The following EPB41L4A variants were observed in gnomAD, a reference collection of about 807,000 sequenced individuals.
The protein encoded by EPB41L4A is band 4.1-like protein 4A.
EPB41L4A carries 100 observed loss-of-function variants against 108.6 expected under a neutral mutation model. That is an observed-to-expected ratio of 0.92 (90% CI 0.78 to 1.09). The LOEUF (loss-of-function observed/expected upper bound fraction) is 1.09. EPB41L4A is among the 50% of genes least tolerant of loss of function. The pLI, the probability that EPB41L4A is intolerant of heterozygous loss-of-function variation, is 0.00. For missense variants in EPB41L4A, 1,030 were observed against 842.7 expected (o/e 1.22, Z -2.75); for synonymous variants, 319 against 289.0 (o/e 1.10, Z -1.05).
intron 14 of EPB41L4A, chr5:112,204,743 A>G (rs1762388843): frequency 2.9e-6 from 1 of 346,494 alleles, no homozygotes; most frequent in South Asian, 4.6e-5. Flanking sequence ...GAACACACAC[A>G]AATAACAATA....
At position 112,239,698 on chromosome 5, in the gene EPB41L4A, G is replaced by C; in HGVS notation, c.927C>G (p.Leu309=). Residue 309 remains leucine (L), a synonymous_variant, in exon 11 of 23, where the codon CTC becomes CTG. Coordinates refer to ENST00000261486, the MANE Select transcript of EPB41L4A (RefSeq NM_022140.5). ...ENESNSLSRK[L]SKFGSIRYKH... is the part of the protein sequence containing the mutation. ...TATAACGTATGGATCCAAACTTGCT[G>C]AGTTTTCTTGACAGTGAATTGGATT... 5 of 1,609,542 alleles carry C rather than the reference G, an allele frequency of 3.1e-6. No homozygotes were observed. Among genetic ancestry groups the C allele is most frequent in the Non-Finnish European group, 3.4e-6 (4 of 1,178,072 alleles).
At chr5:112,211,946 A>G (rs964907589) in intron 12 of EPB41L4A, among the ~76,000 whole-genome samples, 1 of 152,176 alleles carries the variant, frequency 6.6e-6, no homozygotes, top group Non-Finnish European at 1.5e-5. Flanking sequence ...TGCTGGAGCC[A>G]CTACCAATAA....
chr5:112,412,550 A>G (rs1278124749), intron 1 of EPB41L4A, among the ~76,000 whole-genome samples: 1 of 152,224 alleles, frequency 6.6e-6, no homozygotes, highest in African/African-American at 2.4e-5. Context: ...TTGAGTCACA[A>G]AGTAAACTGA....
At chr5:112,219,778 T>C (rs1747915964) in intron 12 of EPB41L4A, among the ~76,000 whole-genome samples, 1 of 152,170 alleles carries the variant, frequency 6.6e-6, no homozygotes, top group Non-Finnish European at 1.5e-5. Flanking sequence ...TCACTGCAAC[T>C]TCCATCTTCT....
intron 1 of EPB41L4A, among the ~76,000 whole-genome samples, chr5:112,411,042 G>A (rs1481400435): frequency 6.6e-6 from 1 of 152,152 alleles, no homozygotes; most frequent in Non-Finnish European, 1.5e-5. Flanking sequence ...ACTTCCTCAT[G>A]TTCAAGTAGT....
At chr5:112,227,250 C>T (rs1748526206) in intron 12 of EPB41L4A, among the ~76,000 whole-genome samples, 1 of 152,188 alleles carries the variant, frequency 6.6e-6, no homozygotes, top group African/African-American at 2.4e-5. Context: ...TGAATGGCCT[C>T]TCCTTACCCC....
chr5:112,342,013 C>G (rs538818023), intron 1 of EPB41L4A, among the ~76,000 whole-genome samples: 1 of 152,134 alleles, frequency 6.6e-6, no homozygotes, highest in South Asian at 2.1e-4. Context: ...ACCATTTCCT[C>G]CTATAGAATG....
intron 3 of EPB41L4A, among the ~76,000 whole-genome samples, 157 bp downstream of exon 3, chr5:112,280,115 G>A (rs1688137606): frequency 6.6e-6 from 1 of 152,174 alleles, no homozygotes; most frequent in South Asian, 2.1e-4. Flanking sequence ...AGAGGGCCTA[G>A]CAATGCACAC....
chr5:112,255,708 C>T (rs1169459551), intron 9 of EPB41L4A, among the ~76,000 whole-genome samples: 1 of 152,104 alleles, frequency 6.6e-6, no homozygotes, highest in Non-Finnish European at 1.5e-5. Flanking sequence ...CAGGTAGTCT[C>T]GTGGCTTCAA....
At chr5:112,237,523 A>T (rs552596031) in intron 11 of EPB41L4A, among the ~76,000 whole-genome samples, 30 of 152,230 alleles carry the variant, frequency 2.0e-4, no homozygotes, top group Non-Finnish European at 3.7e-4. Flanking sequence ...ACACACACAA[A>T]CACACCCAGA....
chr5:112,350,173 A>G (rs1757953413), intron 1 of EPB41L4A, among the ~76,000 whole-genome samples: 1 of 152,262 alleles, frequency 6.6e-6, no homozygotes, highest in African/African-American at 2.4e-5. Context: ...ATTTGTTTAA[A>G]TACGCATATG....
intron 22 of EPB41L4A, among the ~76,000 whole-genome samples, chr5:112,165,523 T>C (rs1760189003): frequency 6.6e-6 from 1 of 152,194 alleles, no homozygotes; most frequent in African/African-American, 2.4e-5. Context: ...AACAATGTCT[T>C]GTGAGCCCCT....
At chr5:112,293,440 A>G (rs1753786824) in intron 2 of EPB41L4A, among the ~76,000 whole-genome samples, 1 of 152,158 alleles carries the variant, frequency 6.6e-6, no homozygotes, top group Non-Finnish European at 1.5e-5. Flanking sequence ...TCTCTCCAAG[A>G]TAGAATTCAG....
chr5:112,400,314 A>G (rs1412328833), intron 1 of EPB41L4A, among the ~76,000 whole-genome samples: 1 of 151,928 alleles, frequency 6.6e-6, no homozygotes. Context: ...GGTCCCTCCC[A>G]AAACACGTGG....
chr5:112,263,534 T>C (rs1320111092), intron 6 of EPB41L4A: 1 of 152,228 alleles, frequency 6.6e-6, no homozygotes, highest in African/African-American at 2.4e-5. Flanking sequence ...CAATATATAA[T>C]TGTGCTTTGA....
intron 1 of EPB41L4A, among the ~76,000 whole-genome samples, chr5:112,320,227 C>T (rs1011501013): frequency 4.6e-5 from 7 of 152,148 alleles, no homozygotes; most frequent in Admixed American, 3.3e-4. Flanking sequence ...CCTTTCATCC[C>T]TTTTTCAGAG....
chr5:112,313,660 A>C (rs1755194372), intron 1 of EPB41L4A, among the ~76,000 whole-genome samples: 1 of 152,110 alleles, frequency 6.6e-6, no homozygotes, highest in African/African-American at 2.4e-5. Flanking sequence ...AATTCTTGAA[A>C]AGAAAAGGCA....
chr5:112,405,584 G>A (rs1410330430), intron 1 of EPB41L4A, among the ~76,000 whole-genome samples: 1 of 152,144 alleles, frequency 6.6e-6, no homozygotes, highest in African/African-American at 2.4e-5. Flanking sequence ...GATTGGGGAT[G>A]CTATATAATA....
At chr5:112,389,311 T>C (rs574978162) in intron 1 of EPB41L4A, among the ~76,000 whole-genome samples, 8 of 152,344 alleles carry the variant, frequency 5.3e-5, no homozygotes, top group South Asian at 2.1e-4. Flanking sequence ...ATAAAAATCA[T>C]AGGAGGCCAC....
Sources: gnomAD v4.1 joint callset for allele counts (sites outside exome capture counted in the v4.1 genomes callset) on GRCh38, gnomAD v4.1.1 for gene constraint, MANE v1.5 for transcripts, NCBI Gene and HGNC (gene_info 2026-07-23, HGNC 2026-07-21) for gene names.